MMAA: variants seen among roughly 807,000 people sequenced by gnomAD.
MMAA encodes methylmalonic aciduria type A protein, mitochondrial.
A neutral mutation model predicts 45.0 loss-of-function variants in MMAA; 41 were observed. The ratio of observed to expected loss-of-function variants is 0.91; its 90% CI spans 0.71 to 1.18. The LOEUF is 1.18. Among genes scored for constraint, MMAA ranks in the 50% most tolerant of loss-of-function variants. The pLI, the probability that MMAA is intolerant of heterozygous loss-of-function variation, is 0.00. For missense variants in MMAA, 460 were observed against 495.7 expected, an observed-to-expected ratio of 0.93 and a Z score of 0.68; for synonymous variants, 154 against 178.2, an observed-to-expected ratio of 0.86 and a Z score of 1.08.
intron 4 of MMAA, 33 bp downstream of exon 4, chr4:145,646,189 C>G: frequency 6.2e-7 from 1 of 1,612,474 alleles, no homozygotes; most frequent in Non-Finnish European, 8.5e-7. Context: ...TAACAATGTA[C>G]TATTTTATGA....
chr4:145,635,593 T>A (rs1727588894), intron 1 of MMAA, among the ~76,000 whole-genome samples: 2 of 152,356 alleles, frequency 1.3e-5, no homozygotes, highest in African/African-American at 4.8e-5. Flanking sequence ...CCTCTGTCAC[T>A]CTTTGTTTGA....
Position 145,657,920 on chromosome 4 carries a change from G to T in MMAA, c.*2486G>T, listed in dbSNP as rs1475814512. Reference sequence around the variant, plus strand: ...CCCAATCTTGGAGGTGGAGCCTGGTGGGAGGTGTATGGATTAGATCAGATC... The same window carrying T: ...CCCAATCTTGGAGGTGGAGCCTGGTTGGAGGTGTATGGATTAGATCAGATC... On this transcript the variant is annotated 3_prime_UTR_variant, in exon 7 of 7. Transcript: ENST00000649156. 1 of 152,218 alleles carries T rather than the reference G, an allele frequency of 6.6e-6. No homozygotes were observed. The allele number at this position is 152,218 out of a possible 1,614,324, so 9.4% of individuals were successfully genotyped here.
chr4:145,646,264 A>T, intron 4 of MMAA, 108 bp downstream of exon 4: 4 of 1,242,278 alleles, frequency 3.2e-6, no homozygotes, highest in Non-Finnish European at 4.7e-6. Flanking sequence ...TAAATGTATA[A>T]TTAAATACAA....
intron 3 of MMAA, among the ~76,000 whole-genome samples, 178 bp from the exon 4 acceptor site, chr4:145,645,808 T>C (rs947735406): frequency 9.9e-5 from 15 of 152,126 alleles, no homozygotes; most frequent in African/African-American, 3.6e-4. Context: ...TTGAGGGGCT[T>C]GAAATGTTAA....
At chr4:145,647,202 A>G (rs1327275431) in intron 4 of MMAA, among the ~76,000 whole-genome samples, 5 of 152,214 alleles carry the variant, frequency 3.3e-5, no homozygotes, top group Admixed American at 1.3e-4. Context: ...GATTTTATCC[A>G]TGATAAGATG....
Position 145,651,166 on chromosome 4 carries a change from T to C in MMAA, c.819+19T>C. On this transcript the variant is annotated intron_variant, in intron 5 of 6. Transcript: ENST00000649156. ...GCTGCAGGTAATTATTTTTATTTTTTCCCCCAAAAATATAAAATGTATATC... is the reference window on the plus strand; with the variant it reads ...GCTGCAGGTAATTATTTTTATTTTTCCCCCCAAAAATATAAAATGTATATC... The C allele has an allele frequency of 1.2e-6, 2 of 1,600,812 alleles. No homozygotes were observed. The highest frequency in any genetic ancestry group is 1.7e-6 in the Non-Finnish European group (2 of 1,168,522).
chr4:145,627,248 G>A (rs1328522980), intron 1 of MMAA, among the ~76,000 whole-genome samples: 1 of 152,134 alleles, frequency 6.6e-6, no homozygotes, highest in Non-Finnish European at 1.5e-5. Context: ...TAAAGCTTTT[G>A]TTACTAAGTT....
chr4:145,623,329 A>G (rs534655468), intron 1 of MMAA, among the ~76,000 whole-genome samples: 2 of 152,204 alleles, frequency 1.3e-5, no homozygotes, highest in Non-Finnish European at 2.9e-5. Flanking sequence ...CATTTCCAAC[A>G]TGTCTTTTGC....
At chr4:145,645,933 TA>T in intron 3 of MMAA, 52 bp from the exon 4 acceptor site, 1 of 1,585,176 alleles carries the variant, frequency 6.3e-7, no homozygotes. Flanking sequence ...AACTGGCTGA[TA>T]ATTGACCCGT....
chr4:145,652,841 C>T (rs1012893987), intron 5 of MMAA, among the ~76,000 whole-genome samples: 3 of 152,004 alleles, frequency 2.0e-5, no homozygotes, highest in Non-Finnish European at 4.4e-5. Context: ...AAAAGATTAC[C>T]TCCCAGAAAC....
At chr4:145,641,789 C>T (rs1727792976) in intron 2 of MMAA, among the ~76,000 whole-genome samples, 1 of 152,202 alleles carries the variant, frequency 6.6e-6, no homozygotes, top group Non-Finnish European at 1.5e-5. Flanking sequence ...ACCGGCCGTG[C>T]ACTGCCAACT....
chr4:145,621,741 A>G, intron 1 of MMAA, among the ~76,000 whole-genome samples: 1 of 152,200 alleles, frequency 6.6e-6, no homozygotes, highest in Admixed American at 6.5e-5. Context: ...GATCTACTGT[A>G]TTGATTTAGG....
At chr4:145,620,405 A>G (rs777504631) in intron 1 of MMAA, among the ~76,000 whole-genome samples, 1 of 152,216 alleles carries the variant, frequency 6.6e-6, no homozygotes, top group Non-Finnish European at 1.5e-5. Context: ...TGCTCGAAAC[A>G]TTTACCATTT....
At chr4:145,634,187 C>A (rs1727544364) in intron 1 of MMAA, among the ~76,000 whole-genome samples, 1 of 152,188 alleles carries the variant, frequency 6.6e-6, no homozygotes, top group African/African-American at 2.4e-5. Context: ...CCAGAGATGC[C>A]ATCCAGGAGT....
chr4:145,640,208 G>A (rs1450534125), intron 2 of MMAA, among the ~76,000 whole-genome samples: 1 of 151,986 alleles, frequency 6.6e-6, no homozygotes, highest in African/African-American at 2.4e-5. Flanking sequence ...CTGGGTTCAG[G>A]TTCATGCAGT....
intron 1 of MMAA, chr4:145,625,093 C>G (rs1379306691): frequency 2.0e-6 from 2 of 1,005,764 alleles, no homozygotes; most frequent in Non-Finnish European, 3.2e-6. Flanking sequence ...TATGGGATTC[C>G]TGGAGAGTCA....
chr4:145,641,458 A>C (rs1460671005), intron 2 of MMAA, among the ~76,000 whole-genome samples: 3 of 152,212 alleles, frequency 2.0e-5, no homozygotes, highest in Non-Finnish European at 4.4e-5. Context: ...GATCTGCCCC[A>C]AGAATTGTGG....
chr4:145,648,359 G>A (rs1394775909), intron 4 of MMAA, among the ~76,000 whole-genome samples: 1 of 151,990 alleles, frequency 6.6e-6, no homozygotes, highest in African/African-American at 2.4e-5. Flanking sequence ...TATTGGCCAG[G>A]CTGGTCTCCA....
chr4:145,625,038 A>T, intron 1 of MMAA: 1 of 905,956 alleles, frequency 1.1e-6, no homozygotes, highest in Non-Finnish European at 1.8e-6. Flanking sequence ...AAGAGCTCAA[A>T]CTTCTCACCG....
Sources: gnomAD v4.1 joint callset for allele counts (sites outside exome capture counted in the v4.1 genomes callset) on GRCh38, gnomAD v4.1.1 for gene constraint, MANE v1.5 for transcripts, NCBI Gene and HGNC (gene_info 2026-07-23, HGNC 2026-07-21) for gene names.